DLG2: variants seen among roughly 807,000 people sequenced by gnomAD.
The protein encoded by DLG2 is discs large MAGUK scaffold protein 2.
DLG2 carries 45 observed loss-of-function variants against 132.5 expected under a neutral mutation model. The observed-to-expected ratio is 0.34, with a 90% CI of 0.27 to 0.44. The LOEUF is 0.44. Among genes scored for constraint, DLG2 ranks in the 20% least tolerant of loss-of-function variants. The probability of loss-of-function intolerance (pLI) is 1.00; values close to 1 mark genes in which losing one functional copy is unlikely to be tolerated. For missense variants in DLG2, 1,045 were observed against 1,196.9 expected, an observed-to-expected ratio of 0.87 and a Z score of 1.87; for synonymous variants, 424 against 419.6, an observed-to-expected ratio of 1.01 and a Z score of -0.13.
At chr11:83,508,528 C>G (rs1259514930) in intron 21 of DLG2, among the ~76,000 whole-genome samples, 1 of 151,208 alleles carries the variant, frequency 6.6e-6, no homozygotes, top group African/African-American at 2.4e-5. Context: ...CAGGCGTGAG[C>G]CACCATGCCT....
intron 21 of DLG2, among the ~76,000 whole-genome samples, chr11:83,503,737 C>T (rs929687515): frequency 6.6e-6 from 1 of 151,998 alleles, no homozygotes; most frequent in African/African-American, 2.4e-5. Context: ...CTGCCTTTCC[C>T]AGCCCACTGA....
At chr11:84,149,453 G>C (rs2095216780) in intron 9 of DLG2, among the ~76,000 whole-genome samples, 1 of 152,082 alleles carries the variant, frequency 6.6e-6, no homozygotes, top group Non-Finnish European at 1.5e-5. Flanking sequence ...AGTTATCCCA[G>C]CACCATTAAT....
intron 4 of DLG2, among the ~76,000 whole-genome samples, chr11:85,282,828 A>G (rs2078317224): frequency 6.6e-6 from 1 of 152,006 alleles, no homozygotes; most frequent in East Asian, 1.9e-4. Context: ...AAAGACATGG[A>G]ATTAACCTAA....
chr11:83,689,025 T>C (rs1309670629), intron 18 of DLG2, among the ~76,000 whole-genome samples: 3 of 152,192 alleles, frequency 2.0e-5, no homozygotes, highest in Non-Finnish European at 4.4e-5. Flanking sequence ...CAAGGTCATA[T>C]TCTCCCTCTC....
At chr11:83,497,550 AAAAC>A (rs2138767193) in intron 21 of DLG2, among the ~76,000 whole-genome samples, 4 of 151,108 alleles carry the variant, frequency 2.6e-5, no homozygotes, top group Non-Finnish European at 5.9e-5. Context: ...CAAAAAACAA[AAAAC>A]AAAAAACAAA....
intron 9 of DLG2, among the ~76,000 whole-genome samples, chr11:84,115,338 G>A (rs2154196090): frequency 6.6e-6 from 1 of 152,332 alleles, no homozygotes; most frequent in Admixed American, 6.5e-5. Context: ...AAGCAAGTGA[G>A]TTCAATGTTC....
chr11:84,057,236 C>T (rs1444588549), intron 11 of DLG2, among the ~76,000 whole-genome samples: 68 of 152,242 alleles, frequency 4.5e-4, no homozygotes. Context: ...AAGTTTTAGT[C>T]ATCTATAGCC....
At position 85,334,742 on chromosome 11, in the gene DLG2, T is replaced by A. The variant is rs571536731; in HGVS notation, c.41-49377A>T. The stretch of plus-strand genomic sequence containing the variant: ...CATATAATTGTATTGTTTTGAGATA[T>A]CTTCTTGGTATTAATTTCCATTGTT... On this transcript the variant is annotated intron_variant, in intron 3 of 27. Coordinates refer to ENST00000376104, the MANE Select transcript of DLG2 (RefSeq NM_001142699.3). Among the ~76,000 whole-genome samples the A allele has an allele frequency of 4.9e-4, 74 of 152,284 alleles. 2 individuals carry two copies. Among genetic ancestry groups the A allele is most frequent in the African/African-American group, 1.6e-3 (68 of 41,572 alleles).
chr11:84,752,285 GTGGTAAAAAAGA>G (rs1360485123), intron 6 of DLG2, among the ~76,000 whole-genome samples: 1 of 152,108 alleles, frequency 6.6e-6, no homozygotes, highest in African/African-American at 2.4e-5. Flanking sequence ...TGGGAATATA[GTGGTAAAAAAGA>G]CAAAGTTCTG....
intron 6 of DLG2, among the ~76,000 whole-genome samples, chr11:85,065,100 G>A (rs1012959113): frequency 6.6e-5 from 10 of 151,506 alleles, no homozygotes; most frequent in African/African-American, 2.4e-4. Context: ...AGAGGGGTGG[G>A]AGGAGTAGAT....
intron 6 of DLG2, among the ~76,000 whole-genome samples, chr11:84,894,700 T>C (rs1386724356): frequency 6.6e-6 from 1 of 152,156 alleles, no homozygotes; most frequent in Admixed American, 6.6e-5. Flanking sequence ...GGAGTTAGGT[T>C]CAATGATACT....
intron 3 of DLG2, among the ~76,000 whole-genome samples, chr11:85,569,185 C>A (rs1052398912): frequency 6.6e-6 from 1 of 152,278 alleles, no homozygotes; most frequent in South Asian, 2.1e-4. Context: ...GCACCCATCA[C>A]CACACCCAGT....
intron 3 of DLG2, among the ~76,000 whole-genome samples, chr11:85,508,564 G>A (rs912509150): frequency 6.6e-6 from 1 of 151,914 alleles, no homozygotes; most frequent in Non-Finnish European, 1.5e-5. Context: ...CTGCTCACTA[G>A]GTTGTAAGCT....
intron 7 of DLG2, among the ~76,000 whole-genome samples, chr11:84,506,871 C>G (rs2099242884): frequency 2.6e-5 from 4 of 152,202 alleles, no homozygotes; most frequent in Non-Finnish European, 5.9e-5. Context: ...GGCAATGACT[C>G]TGCTTCCTCA....
intron 21 of DLG2, 46 bp downstream of exon 21, chr11:83,532,662 C>T: frequency 6.4e-7 from 1 of 1,554,500 alleles, no homozygotes; most frequent in Non-Finnish European, 8.9e-7. Flanking sequence ...ATAGTTAAAT[C>T]CATGGCAACT....
chr11:84,098,660 T>C (rs1595197372), intron 10 of DLG2, among the ~76,000 whole-genome samples: 1 of 152,256 alleles, frequency 6.6e-6, no homozygotes, highest in Non-Finnish European at 1.5e-5. Flanking sequence ...GAAGGCCTCA[T>C]CCAAACAAAA....
intron 6 of DLG2, among the ~76,000 whole-genome samples, chr11:84,714,343 A>T (rs1196116624): frequency 6.6e-6 from 1 of 152,138 alleles, no homozygotes; most frequent in African/African-American, 2.4e-5. Flanking sequence ...TTAAATAAAC[A>T]AATGGGCAAA....
intron 6 of DLG2, among the ~76,000 whole-genome samples, chr11:84,539,782 C>A (rs1359872577): frequency 2.0e-5 from 3 of 152,152 alleles, no homozygotes. Context: ...AAGCTGGAGG[C>A]ATCATGCTAC....
At chr11:83,835,428 T>C (rs1436294412) in intron 16 of DLG2, among the ~76,000 whole-genome samples, 1 of 152,066 alleles carries the variant, frequency 6.6e-6, no homozygotes, top group Non-Finnish European at 1.5e-5. Context: ...GGTGACATTT[T>C]AGAAAAAATT....
Sources: gnomAD v4.1 joint callset for allele counts (sites outside exome capture counted in the v4.1 genomes callset) on GRCh38, gnomAD v4.1.1 for gene constraint, MANE v1.5 for transcripts, NCBI Gene and HGNC (gene_info 2026-07-23, HGNC 2026-07-21) for gene names.